DMD: variants seen among roughly 807,000 people sequenced by gnomAD.
DMD encodes the protein dystrophin.
In DMD, 63 loss-of-function variants were observed where a neutral mutation model predicts 330.1. The observed-to-expected ratio is 0.19, with a 90% confidence interval of 0.16 to 0.24. The LOEUF (loss-of-function observed/expected upper bound fraction) is 0.24. Among genes scored for constraint, DMD ranks in the 10% least tolerant of loss-of-function variants. The pLI is 1.00. For missense variants in DMD, 3,344 were observed against 2,684.1 expected, an observed-to-expected ratio of 1.25 and a Z score of -5.43; for synonymous variants, 1,223 against 959.8, an observed-to-expected ratio of 1.27 and a Z score of -5.07.
chrX:32,523,783 G>A (rs1035735653), intron 17 of DMD, among the ~76,000 whole-genome samples: 1 of 111,408 alleles, frequency 9.0e-6, no homozygotes. Context: ...CCTGTATAAG[G>A]AGGAAGGAAA....
chrX:31,617,258 G>C (rs949490045), intron 55 of DMD, among the ~76,000 whole-genome samples: 1 of 111,851 alleles, frequency 8.9e-6, no homozygotes, highest in African/African-American at 3.3e-5. Flanking sequence ...CTGTGGGCTT[G>C]GTGTGGTGGC....
intron 42 of DMD, among the ~76,000 whole-genome samples, chrX:32,291,362 T>C (rs1215170392): frequency 8.9e-6 from 1 of 112,266 alleles, no homozygotes; most frequent in Non-Finnish European, 1.9e-5. Flanking sequence ...TGATATATTA[T>C]TTTCTCCATA....
chrX:32,020,234 AT>A (rs765596497), intron 44 of DMD, among the ~76,000 whole-genome samples: 1 of 112,642 alleles, frequency 8.9e-6, no homozygotes, highest in Non-Finnish European at 1.9e-5. Context: ...CCCAAAGCGT[AT>A]TTGATTGAAA....
At chrX:32,299,225 ATTGTT>A (rs1180734068) in intron 42 of DMD, among the ~76,000 whole-genome samples, 3 of 110,001 alleles carry the variant, frequency 2.7e-5, no homozygotes, top group African/African-American at 9.9e-5. Context: ...CTCCTTACTT[ATTGTT>A]TTATCTCTTT....
At chrX:32,486,975 G>A (rs189454558) in intron 20 of DMD, among the ~76,000 whole-genome samples, 2 of 110,652 alleles carry the variant, frequency 1.8e-5, no homozygotes, top group Non-Finnish European at 3.8e-5. Flanking sequence ...CAAAAGCAAT[G>A]GCAACAAAAG....
intron 30 of DMD, among the ~76,000 whole-genome samples, chrX:32,394,295 G>A (rs1485675363): frequency 9.0e-6 from 1 of 111,685 alleles, no homozygotes; most frequent in Non-Finnish European, 1.9e-5. Context: ...TTCCTACATG[G>A]TGCTCTCAGA....
At chrX:31,510,444 T>C (rs988964010) in intron 55 of DMD, among the ~76,000 whole-genome samples, 2 of 109,997 alleles carry the variant, frequency 1.8e-5, no homozygotes, top group African/African-American at 6.6e-5. Flanking sequence ...TTCTTGAGTT[T>C]GATAAAATGT....
chrX:32,289,827 A>C (rs975348460), intron 42 of DMD, among the ~76,000 whole-genome samples: 4 of 111,724 alleles, frequency 3.6e-5, no homozygotes, highest in Non-Finnish European at 7.5e-5. Flanking sequence ...AAAACTCATG[A>C]ATAATCCACC....
intron 43 of DMD, among the ~76,000 whole-genome samples, chrX:32,269,199 C>T (rs2097356295): frequency 9.0e-6 from 1 of 110,952 alleles, no homozygotes; most frequent in African/African-American, 3.3e-5. Flanking sequence ...TTGAATACAA[C>T]TCCAGTAAAT....
intron 7 of DMD, among the ~76,000 whole-genome samples, chrX:32,801,791 G>T (rs958861538): frequency 1.8e-5 from 2 of 110,995 alleles, no homozygotes; most frequent in African/African-American, 3.3e-5. Context: ...CTTGTTTTTG[G>T]CAGGTTTGTC....
chrX:32,349,540 C>G (rs975211178), intron 37 of DMD, among the ~76,000 whole-genome samples: 10 of 111,457 alleles, frequency 9.0e-5, no homozygotes, highest in African/African-American at 3.2e-4. Flanking sequence ...GTTTGGTCCC[C>G]ACCTACCCTT....
chrX:32,682,144 C>T (rs1056499398), intron 9 of DMD, among the ~76,000 whole-genome samples: 1 of 111,732 alleles, frequency 8.9e-6, no homozygotes, highest in African/African-American at 3.3e-5. Flanking sequence ...TAGAACTACT[C>T]TCAACATCTT....
chrX:32,462,739 T>A (rs766107452), intron 25 of DMD, among the ~76,000 whole-genome samples: 2 of 110,960 alleles, frequency 1.8e-5, no homozygotes, highest in Non-Finnish European at 3.8e-5. Context: ...GAGCATTGTT[T>A]GAGCCCAGGA....
At chrX:32,076,364 CTTCTTTTTTTCTTTCT>C (rs1355289847) in intron 44 of DMD, among the ~76,000 whole-genome samples, 2 of 103,510 alleles carry the variant, frequency 1.9e-5, no homozygotes, top group Non-Finnish European at 3.9e-5. Context: ...AAACATAAGA[CTTCTTTTTTTCTTTCT>C]TTCTTTTTTT....
At chrX:31,141,796 C>G (rs1402433388) in intron 76 of DMD, among the ~76,000 whole-genome samples, 2 of 111,433 alleles carry the variant, frequency 1.8e-5, no homozygotes, top group African/African-American at 3.3e-5. Flanking sequence ...GGCTGGAAAT[C>G]TTGACTTAAG....
chrX:33,332,933 G>C (rs1043777481), intron 1 of DMD, among the ~76,000 whole-genome samples: 9 of 111,180 alleles, frequency 8.1e-5, no homozygotes, highest in African/African-American at 2.9e-4. Flanking sequence ...TGGAAGGCTA[G>C]TGTACTTTCA....
chrX:31,616,334 A>C (rs1170356651), intron 55 of DMD, among the ~76,000 whole-genome samples: 1 of 111,797 alleles, frequency 8.9e-6, no homozygotes, highest in African/African-American at 3.3e-5. Context: ...AGATGAAAAA[A>C]AGGAATCTCA....
chrX:32,603,336 C>G (rs1307934123), intron 12 of DMD, among the ~76,000 whole-genome samples: 1 of 110,927 alleles, frequency 9.0e-6, no homozygotes, highest in Non-Finnish European at 1.9e-5. Flanking sequence ...TACAACATAC[C>G]TCCACCTCTG....
At chrX:32,632,751 CG>C (rs1324592674) in intron 11 of DMD, among the ~76,000 whole-genome samples, 1 of 87,951 alleles carries the variant, frequency 1.1e-5, no homozygotes, top group Non-Finnish European at 2.3e-5. Flanking sequence ...GGGGTTGGGG[CG>C]GGGGCACAGT....
Sources: allele counts gnomAD v4.1 joint callset (sites outside exome capture counted in the v4.1 genomes callset), GRCh38; gene constraint gnomAD v4.1.1; transcripts MANE v1.5; gene names NCBI Gene and HGNC (gene_info 2026-07-23, HGNC 2026-07-21).